DDX51: variants seen among roughly 807,000 people sequenced by gnomAD.
DDX51 encodes ATP-dependent RNA helicase DDX51.
DDX51 carries 67 observed loss-of-function variants against 74.6 expected under a neutral mutation model. That is an observed-to-expected ratio of 0.90 (90% CI 0.74 to 1.10). DDX51 has a LOEUF of 1.10. DDX51 is among the 50% of genes least tolerant of loss of function. The pLI is 0.00. For synonymous variants in DDX51, 545 were observed against 402.9 expected, an observed-to-expected ratio of 1.35 and a Z score of -4.22; for missense variants, 1,056 against 905.2, an observed-to-expected ratio of 1.17 and a Z score of -2.14.
At chr12:132,143,472 C>T (rs761722569) in intron 2 of DDX51, 4 of 621,744 alleles carry the variant, frequency 6.4e-6, no homozygotes, top group Non-Finnish European at 8.1e-6. Context: ...GCAGAACTGG[C>T]GCGGCGCGGC....
Position 132,143,857 on chromosome 12 carries a change from C to T in DDX51, c.357G>A (p.Ala119=), listed in dbSNP as rs1425371169. 1 of 1,531,038 alleles carries T rather than the reference C, an allele frequency of 6.5e-7. No individual in the cohort carries two copies. Among genetic ancestry groups the T allele is most frequent in the Non-Finnish European group, 8.7e-7 (1 of 1,146,640 alleles). 94.8% of individuals were successfully genotyped at this position (1,531,038 alleles called of 1,614,324 possible). A position where few individuals can be genotyped will look rare whatever the true frequency, so the allele number is the denominator to read the frequency against. ...GEPSAGSSEE[A]PGEPSAGSSE... is the part of the protein sequence containing the mutation. ...TGCTCCCTGCGCTGGGCTCCCCTGG[C>T]GCCTCCTCGCTGCTCCCTGCGCTGG... Residue 119 remains alanine (A), a synonymous_variant, in exon 2 of 15, where the codon GCG becomes GCA. Transcript: ENST00000397333.
In DDX51 at chr12:132,140,602, G is replaced by A. The variant is rs534177701; in HGVS notation, c.1556+18C>T. 1.1e-4 allele frequency: 171 copies of A among 1,612,726 alleles called. 1 individual carries two copies. In the South Asian group the frequency reaches 1.4e-3, roughly 13 times the overall value. Reference sequence around the variant, plus strand: ...ACCAGAGGCCACCTCTGCCACCCCCGCCCAGCCGGGGCCTCACCTGTGGGA... The same window carrying A: ...ACCAGAGGCCACCTCTGCCACCCCCACCCAGCCGGGGCCTCACCTGTGGGA... On this transcript the variant is annotated intron_variant, in intron 10 of 14. Transcript: ENST00000397333.
Position 132,140,107 on chromosome 12 carries a change from T to C in DDX51, c.1766A>G (p.Tyr589Cys). 1.9e-6 allele frequency: 3 copies of C among 1,612,704 alleles called. No individual in the cohort carries two copies. The highest frequency in any genetic ancestry group is 2.5e-6 in the Non-Finnish European group (3 of 1,179,934). The change falls in exon 12 of 15, where the codon TAC becomes TGC. Residue 589 changes from tyrosine (Y) to cysteine (C), a missense_variant. Coordinates refer to ENST00000397333, the MANE Select transcript of DDX51 (RefSeq NM_175066.4). Reference sequence around the variant, plus strand: ...CTGCGCCAGCGCTCACCGGTGCACGTAGGTTCTCAGGTACTGGGGGGCGTC... The same window carrying C: ...CTGCGCCAGCGCTCACCGGTGCACGCAGGTTCTCAGGTACTGGGGGGCGTC... ...NYDAPQYLRT[Y>C]VHRVGRTARA...
At position 132,142,997 on chromosome 12, in the gene DDX51, C is replaced by T. The variant is rs1897534898; in HGVS notation, c.520-119G>A. On this transcript the variant is annotated intron_variant, in intron 2 of 14. Coordinates refer to ENST00000397333, the MANE Select transcript of DDX51 (RefSeq NM_175066.4). ...AAACCTCTGTCGTCTTCAGCTCCTT[C>T]TCAGCCCCAGGATGCGCTTTCCATA... is the stretch of plus-strand genomic sequence containing the variant. 4 of 1,385,232 alleles carry T rather than the reference C, an allele frequency of 2.9e-6. No individual in the cohort carries two copies. The South Asian group carries it at 4.8e-5, about 16-fold the overall frequency. 85.8% of individuals were successfully genotyped at this position (1,385,232 alleles called of 1,614,324 possible). A position where few individuals can be genotyped will look rare whatever the true frequency, so the allele number is the denominator to read the frequency against.
At position 132,139,126 on chromosome 12, in the gene DDX51, T is replaced by C. The variant is rs761059103; in HGVS notation, c.*146A>G. 50 of 1,266,168 alleles carry C rather than the reference T, an allele frequency of 3.9e-5. No individual in the cohort carries two copies. Among genetic ancestry groups the C allele is most frequent in the Non-Finnish European group, 5.0e-5 (46 of 920,804 alleles). 78.4% of individuals were successfully genotyped at this position (1,266,168 alleles called of 1,614,324 possible). A position where few individuals can be genotyped will look rare whatever the true frequency, so the allele number is the denominator to read the frequency against. ...CTTGAGCTCTGACGCCCGGGCTGCCTGGCGCAGAGACCACGTGCTTGGGGA... is the reference window on the plus strand; with the variant it reads ...CTTGAGCTCTGACGCCCGGGCTGCCCGGCGCAGAGACCACGTGCTTGGGGA... On this transcript the variant is annotated 3_prime_UTR_variant, in exon 15 of 15. Transcript: ENST00000397333.
intron 14 of DDX51, 38 bp downstream of exon 14, chr12:132,139,597 T>G (rs1226764832): frequency 1.2e-6 from 2 of 1,612,954 alleles, no homozygotes; most frequent in Non-Finnish European, 8.5e-7. Context: ...GCAAACGCCC[T>G]CCCCAGAGGG....
At position 132,139,293 on chromosome 12, in the gene DDX51, C is replaced by G; in HGVS notation, c.1980G>C (p.Glu660Asp). The G allele has an allele frequency of 6.2e-7, 1 of 1,609,064 alleles. No homozygotes were observed. The highest frequency in any genetic ancestry group is 8.5e-7 in the Non-Finnish European group (1 of 1,178,792). Residue 660 changes from glutamate (E) to aspartate (D), a missense_variant, in exon 15 of 15, where the codon GAG becomes GAC. Physicochemically the swap from Glu to Asp is conservative, Grantham distance 45. Transcript: ENST00000397333. ...CAGCCTAGGCCGCCCTCTGCTTGCG[C>G]TCTTCCTGTGGAGGAAAGGGGAGGG... ...LSQLEESVKE[E>D]RKQRAA
chr12:132,141,479 C>T lies in DDX51; in HGVS notation c.1104+19G>A, dbSNP rs1420151212. On this transcript the variant is annotated intron_variant, in intron 7 of 14. Transcript: ENST00000397333. ...GCGGCCCTGAGCTCAAAGCCCAGGC[C>T]CCTGGGGCGGGGACCTACCAGGAAG... is the stretch of plus-strand genomic sequence containing the variant. 1.2e-5 allele frequency: 19 copies of T among 1,582,968 alleles called. No individual in the cohort carries two copies. The highest frequency in any genetic ancestry group is 5.1e-5 in the Admixed American group (3 of 58,342).
rs1319109438 is a variant in DDX51 at position 132,136,601 on chromosome 12, C to G, written c.*2671G>C. 6.5e-6 allele frequency: 1 copy of G among 153,462 alleles called. No individual in the cohort carries two copies. The highest frequency in any genetic ancestry group is 1.4e-5 in the Non-Finnish European group (1 of 68,970). 9.5% of individuals were successfully genotyped at this position (153,462 alleles called of 1,614,324 possible). ...ACACACACACACAGTGAGTTTGGAG[C>G]AGAAGTTTAATAAGCAAAAAGGAAG... On this transcript the variant is annotated 3_prime_UTR_variant, in exon 15 of 15. Coordinates refer to ENST00000397333, the MANE Select transcript of DDX51 (RefSeq NM_175066.4).
Position 132,143,924 on chromosome 12 carries a change from C to G in DDX51, c.305-15G>C. On this transcript the variant is annotated splice_polypyrimidine_tract_variant and intron_variant, in intron 1 of 14. Transcript: ENST00000397333. ...CTCGTTGCTTTCTGCGAGGCAGACA[C>G]CCACCCGGCAGCGCGTCAGCACCGA... 6.6e-7 allele frequency: 1 copy of G among 1,512,022 alleles called. No homozygotes were observed. Among genetic ancestry groups the G allele is most frequent in the Non-Finnish European group, 8.8e-7 (1 of 1,137,550 alleles). The allele number at this position is 1,512,022 out of a possible 1,614,324, so 93.7% of individuals were successfully genotyped here.
At chr12:132,141,189 C>G (rs1260193544) in intron 8 of DDX51, 86 bp downstream of exon 8, 1 of 1,513,080 alleles carries the variant, frequency 6.6e-7, no homozygotes. Context: ...CTCAAGCCAC[C>G]CTTATCTCTG....
rs1897614961 is a variant in DDX51, at chr12:132,144,311, C to G, written c.-15G>C. ...AACAGCGCCATGGCCAGCCGCACGC[C>G]TGGGACTCGGGCGTGGCGCGCTGCG... On this transcript the variant is annotated 5_prime_UTR_variant, in exon 1 of 15. Transcript: ENST00000397333. The G allele has an allele frequency of 7.4e-7, 1 of 1,342,560 alleles. No homozygotes were observed. Among genetic ancestry groups the G allele is most frequent in the Non-Finnish European group, 9.5e-7 (1 of 1,051,204 alleles). The allele number at this position is 1,342,560 out of a possible 1,614,324, so 83.2% of individuals were successfully genotyped here.
chr12:132,139,066 G>T lies in DDX51; in HGVS notation c.*206C>A. The T allele has an allele frequency of 3.0e-6, 2 of 665,238 alleles. No individual in the cohort carries two copies. The allele number at this position is 665,238 out of a possible 1,614,324, so 41.2% of individuals were successfully genotyped here. Reference sequence around the variant, plus strand: ...CCATCCTGACCTCCACACTCTGAAAGTGACAAGCCCTGAAGTCTCCAGTCG... The same window carrying T: ...CCATCCTGACCTCCACACTCTGAAATTGACAAGCCCTGAAGTCTCCAGTCG... On this transcript the variant is annotated 3_prime_UTR_variant, in exon 15 of 15. Coordinates refer to ENST00000397333, the MANE Select transcript of DDX51 (RefSeq NM_175066.4).
intron 5 of DDX51, 63 bp downstream of exon 5, chr12:132,142,056 C>A (rs759368416): frequency 6.3e-6 from 10 of 1,591,200 alleles, no homozygotes; most frequent in Non-Finnish European, 8.6e-6. Flanking sequence ...GGGCTGATCG[C>A]TGTGCACTCA....
chr12:132,141,781 C>A, intron 6 of DDX51, 69 bp downstream of exon 6: 2 of 1,555,470 alleles, frequency 1.3e-6, no homozygotes, highest in Non-Finnish European at 1.8e-6. Flanking sequence ...TCTGCTCCCA[C>A]GGTGCCTCAG....
intron 2 of DDX51, chr12:132,143,306 C>T (rs2136680177): frequency 4.8e-6 from 2 of 415,142 alleles, no homozygotes; most frequent in East Asian, 5.5e-5. Flanking sequence ...AAACTTCTCG[C>T]TTTCTTCACC....
chr12:132,141,223 T>G, intron 8 of DDX51, 52 bp downstream of exon 8: 1 of 1,541,604 alleles, frequency 6.5e-7, no homozygotes, highest in Non-Finnish European at 8.7e-7. Flanking sequence ...GAGAGCTGTG[T>G]GCAGAGGACT....
At chr12:132,143,518 A>G in intron 2 of DDX51, 177 bp downstream of exon 2, 1 of 788,262 alleles carries the variant, frequency 1.3e-6, no homozygotes, top group South Asian at 1.8e-5. Flanking sequence ...AGGAAACGGG[A>G]GCTCTGCACG....
rs1023110297 is a variant in DDX51, at chr12:132,142,609, G to C, written c.670+119C>G. The C allele has an allele frequency of 1.3e-5, 19 of 1,499,144 alleles. No homozygotes were observed. The African/African-American group carries it at 2.5e-4, about 20-fold the overall frequency. 92.9% of individuals were successfully genotyped at this position (1,499,144 alleles called of 1,614,324 possible). On this transcript the variant is annotated intron_variant, in intron 3 of 14. Transcript: ENST00000397333. Reference sequence around the variant, plus strand: ...CCAAGTGGGAACCATGAGCTTGAGAGTGCTGAGACCACACTTGGCACCGAT... The same window carrying C: ...CCAAGTGGGAACCATGAGCTTGAGACTGCTGAGACCACACTTGGCACCGAT...
Sources: allele counts gnomAD v4.1 joint callset, GRCh38; gene constraint gnomAD v4.1.1; transcripts MANE v1.5; gene names NCBI Gene and HGNC (gene_info 2026-07-23, HGNC 2026-07-21).